The following MYH9 variants were observed in gnomAD, a reference collection of about 807,000 sequenced individuals.
MYH9 encodes the protein myosin heavy chain 9, also known as myosin-9.
In MYH9, 29 loss-of-function variants were observed where a neutral mutation model predicts 241.9. The ratio of observed to expected loss-of-function variants is 0.12; its 90% CI spans 0.09 to 0.16. The LOEUF is 0.16. Ranked by LOEUF, MYH9 falls within the 10% of genes least tolerant of loss-of-function variation. MYH9 has a pLI of 1.00. For synonymous variants in MYH9, 1,047 were observed against 1,062.6 expected (o/e 0.99, Z 0.29); for missense variants, 1,803 against 2,595.5 (o/e 0.69, Z 6.63).
intron 3 of MYH9, among the ~76,000 whole-genome samples, chr22:36,328,698 G>A (rs2017373755): frequency 6.6e-6 from 1 of 152,260 alleles, no homozygotes; most frequent in Admixed American, 6.5e-5. Flanking sequence ...GCCACGATGG[G>A]TGGCAGTGGC....
At chr22:36,304,793 G>A (rs545969710) in intron 18 of MYH9, among the ~76,000 whole-genome samples, 3 of 152,340 alleles carry the variant, frequency 2.0e-5, no homozygotes, top group East Asian at 3.9e-4. Context: ...ATCAGAGCCC[G>A]GCCATGGCTA....
In MYH9 at chr22:36,293,621, G is replaced by C; in HGVS notation, c.3942+138C>G. The C allele has an allele frequency of 2.2e-6, 3 of 1,372,438 alleles. No homozygotes were observed. The African/African-American group carries it at 4.3e-5, about 19-fold the overall frequency. The allele number at this position is 1,372,438 out of a possible 1,614,324, so 85.0% of individuals were successfully genotyped here. ...CGTAAAGACCTGGAGGGAGCTGGGA[G>C]GACGCAGAGACCCACCCACAGGATG... On this transcript the variant is annotated intron_variant, in intron 29 of 40. Transcript: ENST00000216181. This position sits in a 1 kb window ranked among gnomAD's most constrained non-coding sequence, Gnocchi z 5.1.
rs190447023 is a variant in MYH9, at chr22:36,305,811, A to G, written c.2159+119T>C. 1.8e-4 allele frequency: 259 copies of G among 1,441,024 alleles called. No homozygotes were observed. Among genetic ancestry groups the G allele is most frequent in the Non-Finnish European group, 2.4e-4 (243 of 1,033,710 alleles). 89.3% of individuals were successfully genotyped at this position (1,441,024 alleles called of 1,614,324 possible). ...AAGAGCTGGCCAGACTCAGTTCTAC[A>G]TGGATGGAGGACGTCGCTCCCTCAC... On this transcript the variant is annotated intron_variant, in intron 17 of 40. Coordinates refer to ENST00000216181, the MANE Select transcript of MYH9 (RefSeq NM_002473.6). The surrounding 1 kb of genome is among the most constrained non-coding windows in gnomAD (Gnocchi z 4.7).
Position 36,288,919 on chromosome 22 carries a change from G to T in MYH9, c.4578C>A (p.Ser1526=), listed in dbSNP as rs1164066115. 1 of 1,613,932 alleles carries T rather than the reference G, an allele frequency of 6.2e-7. No homozygotes were observed. Among genetic ancestry groups the T allele is most frequent in the Admixed American group, 1.7e-5 (1 of 60,018 alleles). The part of the protein sequence containing the change: ...VGKSVHELEK[S]KRALEQQVEE... The stretch of plus-strand genomic sequence containing the variant: ...CCACCTGCTGCTCTAGGGCCCGCTT[G>T]GACTTCTCCAGCTCGTGGACCTGAG... The change falls in exon 33 of 41, where the codon TCC becomes TCA. Residue 1526 remains serine, a synonymous_variant. Transcript: ENST00000216181. The surrounding 1 kb of genome is among the most constrained non-coding windows in gnomAD (Gnocchi z 4.8).
intron 2 of MYH9, 52 bp from the exon 3 acceptor site, chr22:36,341,578 A>G: frequency 1.3e-6 from 2 of 1,599,564 alleles, no homozygotes; most frequent in Non-Finnish European, 1.7e-6. Context: ...GATTCTCAGT[A>G]GTGTACAAAC....
chr22:36,335,905 G>T (rs956292819), intron 3 of MYH9, among the ~76,000 whole-genome samples: 3 of 152,182 alleles, frequency 2.0e-5, no homozygotes, highest in African/African-American at 7.2e-5. Context: ...GCTCAGACGT[G>T]AAGATACACA....
rs1002014361 is a variant in MYH9 at position 36,306,731 on chromosome 22, G to T, written c.1844-124C>A. ...AAGAGGAGACAGAATGAAACAACAG[G>T]ACCCTTTCCAATTGGAGCCTACACT... On this transcript the variant is annotated intron_variant, in intron 15 of 40. Coordinates refer to ENST00000216181, the MANE Select transcript of MYH9 (RefSeq NM_002473.6). The surrounding 1 kb of genome is among the most constrained non-coding windows in gnomAD (Gnocchi z 4.1). 2 of 1,012,956 alleles carry T rather than the reference G, an allele frequency of 2.0e-6. No homozygotes were observed. Among genetic ancestry groups the T allele is most frequent in the Non-Finnish European group, 3.0e-6 (2 of 671,362 alleles). 62.7% of individuals were successfully genotyped at this position (1,012,956 alleles called of 1,614,324 possible).
intron 9 of MYH9, chr22:36,319,892 C>T (rs1356089302): frequency 4.9e-6 from 3 of 612,518 alleles, no homozygotes; most frequent in African/African-American, 1.8e-5. Flanking sequence ...GCACAAAGCA[C>T]CCATCTATCC....
chr22:36,303,157 C>G (rs979901990), intron 19 of MYH9, among the ~76,000 whole-genome samples: 1 of 151,776 alleles, frequency 6.6e-6, no homozygotes, highest in Admixed American at 6.6e-5. Flanking sequence ...GATAAACAAG[C>G]CTCCATCTGT....
chr22:36,310,382 A>G (rs1325540097), intron 14 of MYH9, among the ~76,000 whole-genome samples: 1 of 152,224 alleles, frequency 6.6e-6, no homozygotes, highest in African/African-American at 2.4e-5. Context: ...TTGGGATTAC[A>G]GGCATGAGCC....
chr22:36,358,458 C>T (rs2017890222), intron 1 of MYH9, among the ~76,000 whole-genome samples: 2 of 152,112 alleles, frequency 1.3e-5, no homozygotes, highest in Non-Finnish European at 2.9e-5. Flanking sequence ...GATTATTTCC[C>T]GCCCAGAGCT....
intron 30 of MYH9, among the ~76,000 whole-genome samples, chr22:36,292,467 C>G (rs1053976000): frequency 1.3e-5 from 2 of 152,228 alleles, no homozygotes; most frequent in Admixed American, 6.5e-5. Flanking sequence ...GGCTGACCCC[C>G]AGGCCCGCTG....
Position 36,288,920 on chromosome 22 carries a change from G to A in MYH9, c.4577C>T (p.Ser1526Phe). The change falls in exon 33 of 41, where the codon TCC becomes TTC. Residue 1526 changes from serine to phenylalanine, a missense_variant. Ser to Phe is a radical substitution (Grantham distance 155). Around this residue, in one of 11 missense-constraint regions of MYH9, gnomAD observed 876 missense variants for 1,077.8 expected, o/e 0.81. Coordinates refer to ENST00000216181, the MANE Select transcript of MYH9 (RefSeq NM_002473.6). This position sits in a 1 kb window ranked among gnomAD's most constrained non-coding sequence, Gnocchi z 4.8. ...VGKSVHELEK[S>F]KRALEQQVEE... ...CACCTGCTGCTCTAGGGCCCGCTTGGACTTCTCCAGCTCGTGGACCTGAGC... is the reference window on the plus strand; with the variant it reads ...CACCTGCTGCTCTAGGGCCCGCTTGAACTTCTCCAGCTCGTGGACCTGAGC... 6.2e-7 allele frequency: 1 copy of A among 1,613,930 alleles called. No individual in the cohort carries two copies. Among genetic ancestry groups the A allele is most frequent in the South Asian group, 1.1e-5 (1 of 91,086 alleles).
chr22:36,286,180 G>A (rs902127445), intron 35 of MYH9: 8 of 615,288 alleles, frequency 1.3e-5, no homozygotes, highest in Non-Finnish European at 2.3e-5. Context: ...ATCAAGCCAG[G>A]TGCCAGGGTA....
At position 36,282,396 on chromosome 22, in the gene MYH9, A is replaced by G; in HGVS notation, c.*272T>C. The G allele has an allele frequency of 3.4e-6, 2 of 589,424 alleles. No individual in the cohort carries two copies. The highest frequency in any genetic ancestry group is 6.1e-6 in the Non-Finnish European group (2 of 328,332). 36.5% of individuals were successfully genotyped at this position (589,424 alleles called of 1,614,324 possible). ...GCTTTTTGGCAAGAGAGGGCTGAGG[A>G]GCCTGCTGGTCGCTCTCTGCCTGGG... On this transcript the variant is annotated 3_prime_UTR_variant, in exon 41 of 41. Transcript: ENST00000216181.
chr22:36,346,930 T>A (rs2017686160), intron 2 of MYH9, among the ~76,000 whole-genome samples: 1 of 152,200 alleles, frequency 6.6e-6, no homozygotes, highest in Non-Finnish European at 1.5e-5. Flanking sequence ...CATGGCTTTT[T>A]TCCACTAGGT....
Position 36,334,853 on chromosome 22 carries a change from C to A in MYH9, c.490+6517G>T, listed in dbSNP as rs141595224. ...CAAGAGGAGGACAAGAGGACAAAGG[C>A]TCAATTAGAGTGAGTTGACTTGCTC... is the stretch of plus-strand genomic sequence containing the variant. On this transcript the variant is annotated intron_variant, in intron 3 of 40. Transcript: ENST00000216181. Among the ~76,000 whole-genome samples, 363 of 152,262 alleles carry A rather than the reference C, an allele frequency of 2.4e-3. 2 individuals carry two copies. The highest frequency in any genetic ancestry group is 7.7e-3 in the African/African-American group (320 of 41,534).
intron 35 of MYH9, 81 bp from the exon 36 acceptor site, chr22:36,286,034 C>G: frequency 6.6e-7 from 1 of 1,510,310 alleles, no homozygotes; most frequent in Non-Finnish European, 9.1e-7. Flanking sequence ...GCACCCTCCC[C>G]TCAAGCCCTT....
rs2016627661 is a variant in MYH9, at chr22:36,288,456, G to T, written c.4771-43C>A. 1 of 1,601,864 alleles carries T rather than the reference G, an allele frequency of 6.2e-7. No individual in the cohort carries two copies. Among genetic ancestry groups the T allele is most frequent in the Non-Finnish European group, 8.5e-7 (1 of 1,179,452 alleles). On this transcript the variant is annotated intron_variant, in intron 33 of 40. Transcript: ENST00000216181. This position sits in a 1 kb window ranked among gnomAD's most constrained non-coding sequence, Gnocchi z 4.8. ...AACAACTTGGGAAGCTGGACCCACT[G>T]GGAGACCCTGCCCTAGCTCTGAACT...
Sources: allele counts gnomAD v4.1 joint callset (sites outside exome capture counted in the v4.1 genomes callset), GRCh38; gene constraint gnomAD v4.1.1; regional missense constraint gnomAD v4.1.1; non-coding constraint Gnocchi (gnomAD v3.1); transcripts MANE v1.5; gene names NCBI Gene and HGNC (gene_info 2026-07-23, HGNC 2026-07-21).